IMPG1: variants seen among roughly 807,000 people sequenced by gnomAD.
IMPG1 encodes the protein interphotoreceptor matrix proteoglycan of 150 kDa.
In IMPG1, 85 loss-of-function variants were observed where a neutral mutation model predicts 92.0. That is an observed-to-expected ratio of 0.92 (90% CI 0.78 to 1.11). The LOEUF (loss-of-function observed/expected upper bound fraction) is 1.11. Among genes scored for constraint, IMPG1 ranks in the 50% least tolerant of loss-of-function variants. The probability of loss-of-function intolerance (pLI) is 0.00; values close to 1 mark genes in which losing one functional copy is unlikely to be tolerated. For synonymous variants in IMPG1, 367 were observed against 334.1 expected (o/e 1.10, Z -1.08); for missense variants, 1,022 against 956.0 (o/e 1.07, Z -0.91).
chr6:76,014,936 A>G (rs1404229253), intron 7 of IMPG1, among the ~76,000 whole-genome samples: 1 of 152,192 alleles, frequency 6.6e-6, no homozygotes, highest in Non-Finnish European at 1.5e-5. Flanking sequence ...GGATATGACA[A>G]AAGCCTCAGT....
intron 1 of IMPG1, among the ~76,000 whole-genome samples, chr6:76,066,475 T>C (rs1040769200): frequency 2.0e-5 from 3 of 152,094 alleles, no homozygotes; most frequent in African/African-American, 2.4e-5. Context: ...AGCAGGTCAT[T>C]ATATAATGAT....
At chr6:76,005,055 A>T (rs1783068541) in intron 10 of IMPG1, among the ~76,000 whole-genome samples, 2 of 152,126 alleles carry the variant, frequency 1.3e-5, no homozygotes, top group African/African-American at 4.8e-5. Flanking sequence ...ACTGAACTGA[A>T]ACCTTTGGAT....
rs181135243 is a variant in IMPG1, at chr6:75,988,485, T to G, written c.1291+14433A>C. 7.9e-5 allele frequency among the ~76,000 whole-genome samples: 12 copies of G among 152,348 alleles called. No homozygotes were observed. In the East Asian group the frequency reaches 2.1e-3, roughly 27 times the overall value. ...GATGGGGTTGTTTGATTTTTTCTTG[T>G]AAATTTGTTTAAGTTTTTTGTAGAT... On this transcript the variant is annotated intron_variant, in intron 12 of 16. Transcript: ENST00000369950.
At chr6:76,068,006 A>C (rs570029441) in intron 1 of IMPG1, among the ~76,000 whole-genome samples, 1 of 152,296 alleles carries the variant, frequency 6.6e-6, no homozygotes, top group South Asian at 2.1e-4. Flanking sequence ...AATAAAAGCC[A>C]TCAAGAAACT....
At chr6:76,037,716 G>T (rs2149489008) in intron 2 of IMPG1, among the ~76,000 whole-genome samples, 1 of 152,248 alleles carries the variant, frequency 6.6e-6, no homozygotes, top group African/African-American at 2.4e-5. Context: ...TTATTTTGTG[G>T]CTACTTCAAT....
At chr6:76,026,778 G>A (rs1562375390) in intron 4 of IMPG1, among the ~76,000 whole-genome samples, 2 of 151,900 alleles carry the variant, frequency 1.3e-5, no homozygotes, top group Non-Finnish European at 2.9e-5. Context: ...CCCTTTAGCA[G>A]GCCAGACCCC....
intron 12 of IMPG1, among the ~76,000 whole-genome samples, chr6:75,969,811 G>A (rs936441671): frequency 2.6e-5 from 4 of 152,026 alleles, no homozygotes; most frequent in Non-Finnish European, 4.4e-5. Flanking sequence ...AATTTCAAAC[G>A]TATCTATATT....
intron 12 of IMPG1, among the ~76,000 whole-genome samples, chr6:75,974,341 TTC>T (rs1782476328): frequency 1.1e-5 from 1 of 88,714 alleles, no homozygotes; most frequent in Non-Finnish European, 2.2e-5. Flanking sequence ...CTTTCTTTCT[TTC>T]TTTCTTTCTT....
chr6:76,070,732 G>A (rs1784391430), intron 1 of IMPG1, among the ~76,000 whole-genome samples: 1 of 152,018 alleles, frequency 6.6e-6, no homozygotes, highest in African/African-American at 2.4e-5. Flanking sequence ...CAAATATCAC[G>A]TGGTCTCATT....
intron 1 of IMPG1, among the ~76,000 whole-genome samples, chr6:76,051,655 G>T (rs1258978612): frequency 6.6e-6 from 1 of 152,070 alleles, no homozygotes; most frequent in Admixed American, 6.6e-5. Flanking sequence ...ATAATGCATG[G>T]GGTGGATGTT....
intron 5 of IMPG1, among the ~76,000 whole-genome samples, chr6:76,023,860 T>C (rs2149484341): frequency 6.6e-6 from 1 of 152,308 alleles, no homozygotes. Flanking sequence ...GTACATTACC[T>C]TCAAGTTTAA....
chr6:76,066,052 C>T (rs1010447085), intron 1 of IMPG1, among the ~76,000 whole-genome samples: 2 of 152,034 alleles, frequency 1.3e-5, no homozygotes, highest in Non-Finnish European at 2.9e-5. Context: ...CTCTAGACCA[C>T]CCCTATGAGA....
intron 7 of IMPG1, among the ~76,000 whole-genome samples, chr6:76,018,249 C>T (rs1783328712): frequency 6.6e-6 from 1 of 152,020 alleles, no homozygotes; most frequent in Non-Finnish European, 1.5e-5. Flanking sequence ...ACAACAATAA[C>T]TAATAATGAA....
intron 13 of IMPG1, among the ~76,000 whole-genome samples, chr6:75,948,044 TGTG>T (rs1308582124): frequency 1.3e-5 from 2 of 152,154 alleles, no homozygotes; most frequent in African/African-American, 4.8e-5. Context: ...CCAACACAAA[TGTG>T]GTGTAGTGGA....
chr6:76,045,810 C>A (rs1783930642), intron 1 of IMPG1, among the ~76,000 whole-genome samples: 2 of 152,102 alleles, frequency 1.3e-5, no homozygotes, highest in Non-Finnish European at 2.9e-5. Flanking sequence ...CTGAACTGAA[C>A]TTTTAAAGAT....
At chr6:75,930,422 A>G (rs146748519) in intron 15 of IMPG1, among the ~76,000 whole-genome samples, 117 of 152,322 alleles carry the variant, frequency 7.7e-4, no homozygotes, top group African/African-American at 2.8e-3. Flanking sequence ...TAATGTGTGG[A>G]ATTAACTGAT....
At chr6:76,067,845 A>G (rs1784338235) in intron 1 of IMPG1, among the ~76,000 whole-genome samples, 1 of 152,224 alleles carries the variant, frequency 6.6e-6, no homozygotes, top group Admixed American at 6.6e-5. Flanking sequence ...AACCATAATC[A>G]GATGAGCTTT....
intron 12 of IMPG1, among the ~76,000 whole-genome samples, chr6:76,000,658 CAA>C (rs1782971523): frequency 6.6e-6 from 1 of 152,046 alleles, no homozygotes; most frequent in African/African-American, 2.4e-5. Flanking sequence ...GGGTGGTTAA[CAA>C]GAGTCACGTG....
intron 1 of IMPG1, among the ~76,000 whole-genome samples, chr6:76,068,510 C>CTTTT (rs1160277573): frequency 5.4e-5 from 6 of 110,170 alleles, no homozygotes; most frequent in Non-Finnish European, 7.1e-5. Context: ...AATGTCCATA[C>CTTTT]TTTTTTTTTT....
Sources: allele counts gnomAD v4.1 joint callset (sites outside exome capture counted in the v4.1 genomes callset), GRCh38; gene constraint gnomAD v4.1.1; transcripts MANE v1.5; gene names NCBI Gene and HGNC (gene_info 2026-07-23, HGNC 2026-07-21).